The following RGS5 variants were observed in gnomAD, a reference collection of about 807,000 sequenced individuals.
RGS5 encodes the protein regulator of G-protein signalling 5.
Under a neutral mutation model 18.9 loss-of-function variants are expected in RGS5, and 20 were observed. That is an observed-to-expected ratio of 1.06 (90% CI 0.74 to 1.54). The LOEUF (loss-of-function observed/expected upper bound fraction) is 1.54. Among genes scored for constraint, RGS5 ranks in the 40% most tolerant of loss-of-function variants. RGS5 has a pLI of 0.00. For missense variants in RGS5, 201 were observed against 211.8 expected, an observed-to-expected ratio of 0.95 and a Z score of 0.32; for synonymous variants, 57 against 76.2, an observed-to-expected ratio of 0.75 and a Z score of 1.31.
At chr1:163,159,180 C>G (rs1248237653) in intron 3 of RGS5, among the ~76,000 whole-genome samples, 1 of 152,290 alleles carries the variant, frequency 6.6e-6, no homozygotes. Flanking sequence ...AACACACATG[C>G]TCTACAAACA....
chr1:163,215,876 G>GTCT (rs1290270321), intron 1 of RGS5, among the ~76,000 whole-genome samples: 2 of 151,610 alleles, frequency 1.3e-5, no homozygotes, highest in Non-Finnish European at 2.9e-5. Context: ...AACAGCCTGG[G>GTCT]AAACATAGTG....
intron 2 of RGS5, among the ~76,000 whole-genome samples, chr1:163,245,354 C>T (rs1251217294): frequency 6.6e-6 from 1 of 152,200 alleles, no homozygotes; most frequent in Non-Finnish European, 1.5e-5. Flanking sequence ...ATTATCTTTT[C>T]CCCATGACAA....
chr1:163,187,173 G>A (rs1301749121), intron 1 of RGS5, among the ~76,000 whole-genome samples: 1 of 152,286 alleles, frequency 6.6e-6, no homozygotes, highest in Non-Finnish European at 1.5e-5. Context: ...GGAGATAAAA[G>A]CTGAGCTATA....
Position 163,286,000 on chromosome 1 carries a change from A to G in RGS5, c.-281+20233T>C, listed in dbSNP as rs79722733. 4.1e-3 allele frequency among the ~76,000 whole-genome samples: 489 copies of G among 120,308 alleles called. 4 individuals carry two copies. Among genetic ancestry groups the G allele is most frequent in the African/African-American group, 0.012 (417 of 33,790 alleles). 78.9% of individuals were successfully genotyped at this position (120,308 alleles called of 152,430 possible). On this transcript the variant is annotated intron_variant, in intron 2 of 5. Coordinates refer to the RGS5 transcript ENST00000618415. ...ACTCATACAAGTATTTAATTTATGC[A>G]CACACACACACACACACATGCACAC... is the stretch of plus-strand genomic sequence containing the variant.
chr1:163,245,955 C>T (rs1275217399), intron 2 of RGS5, among the ~76,000 whole-genome samples: 5 of 152,244 alleles, frequency 3.3e-5, no homozygotes, highest in Admixed American at 6.5e-5. Flanking sequence ...GTGGCTCACG[C>T]CTGTAATCCC....
At chr1:163,314,534 C>T (rs939611489) in intron 1 of RGS5, among the ~76,000 whole-genome samples, 8 of 151,740 alleles carry the variant, frequency 5.3e-5, no homozygotes, top group African/African-American at 1.9e-4. Flanking sequence ...TGACAAAACA[C>T]CAACAAAACA....
chr1:163,224,767 G>C (rs1247779639), intron 2 of RGS5, among the ~76,000 whole-genome samples: 2 of 152,108 alleles, frequency 1.3e-5, no homozygotes, highest in African/African-American at 4.8e-5. Context: ...ATTCTGCTTT[G>C]ATTTGCATTT....
At chr1:163,171,724 A>G (rs1658309378) in intron 1 of RGS5, among the ~76,000 whole-genome samples, 1 of 152,362 alleles carries the variant, frequency 6.6e-6, no homozygotes, top group African/African-American at 2.4e-5. Flanking sequence ...AAGAATTATT[A>G]GTGACTTAAT....
intron 2 of RGS5, among the ~76,000 whole-genome samples, chr1:163,233,982 T>A (rs549022727): frequency 6.6e-6 from 1 of 152,222 alleles, no homozygotes; most frequent in African/African-American, 2.4e-5. Context: ...CATCTGGATG[T>A]ATACGTGCAG....
At chr1:163,223,960 T>C (rs962796226) in intron 2 of RGS5, among the ~76,000 whole-genome samples, 1 of 152,162 alleles carries the variant, frequency 6.6e-6, no homozygotes, top group Non-Finnish European at 1.5e-5. Flanking sequence ...CATATTTATA[T>C]GGTATAGTGT....
At position 163,313,416 on chromosome 1, in the gene RGS5, G is replaced by T. The variant is rs890277365; in HGVS notation, c.-377-7087C>A. 4.7e-4 allele frequency among the ~76,000 whole-genome samples: 71 copies of T among 152,164 alleles called. 2 individuals are homozygous for T. The highest frequency in any genetic ancestry group is 4.6e-3 in the Admixed American group (70 of 15,274). The stretch of plus-strand genomic sequence containing the variant: ...AACACAAAGGAAGAAAACTGAGAGA[G>T]AACTTTATTCTCTCTTTGGAGTGAT... On this transcript the variant is annotated intron_variant, in intron 1 of 5. Coordinates refer to the RGS5 transcript ENST00000618415.
chr1:163,171,588 T>A (rs768768290), intron 1 of RGS5, among the ~76,000 whole-genome samples: 1 of 152,206 alleles, frequency 6.6e-6, no homozygotes. Context: ...TTTTTTCTAT[T>A]TCTTGCTCCA....
At chr1:163,236,695 G>A (rs1245265853) in intron 2 of RGS5, among the ~76,000 whole-genome samples, 1 of 152,222 alleles carries the variant, frequency 6.6e-6, no homozygotes, top group East Asian at 1.9e-4. Flanking sequence ...CAGGCGCAGT[G>A]GCTCATGCCT....
chr1:163,236,169 C>A (rs946920364), intron 2 of RGS5, among the ~76,000 whole-genome samples: 1 of 152,050 alleles, frequency 6.6e-6, no homozygotes, highest in Non-Finnish European at 1.5e-5. Context: ...ATTTAAATTG[C>A]CTCTTTCGTC....
At chr1:163,308,738 A>G (rs766746890) in intron 1 of RGS5, 1 of 152,170 alleles carries the variant, frequency 6.6e-6, no homozygotes, top group Non-Finnish European at 1.5e-5. Flanking sequence ...CTCAAAACCA[A>G]TATAAAATAG....
rs762869375 is a variant in RGS5, at chr1:163,161,914, C to G, written c.217+1G>C. ...TAAAAAAACAAACAATGGAAACTTACAGTTGTTCTGCAGGAGTTTGTCCAG... is the reference window on the plus strand; with the variant it reads ...TAAAAAAACAAACAATGGAAACTTAGAGTTGTTCTGCAGGAGTTTGTCCAG... On this transcript the variant is annotated splice_donor_variant, in intron 3 of 4. Transcript: ENST00000313961. LOFTEE classifies it high-confidence loss of function. 5 of 1,612,066 alleles carry G rather than the reference C, an allele frequency of 3.1e-6. No individual in the cohort carries two copies. The highest frequency in any genetic ancestry group is 1.1e-5 in the South Asian group (1 of 91,028).
At chr1:163,187,579 G>T (rs554835223) in intron 1 of RGS5, among the ~76,000 whole-genome samples, 1 of 152,044 alleles carries the variant, frequency 6.6e-6, no homozygotes, top group Non-Finnish European at 1.5e-5. Context: ...CAGAAGAAAC[G>T]CTTCCATAAA....
At chr1:163,266,309 T>C (rs1462393214) in intron 2 of RGS5, among the ~76,000 whole-genome samples, 1 of 152,164 alleles carries the variant, frequency 6.6e-6, no homozygotes, top group African/African-American at 2.4e-5. Flanking sequence ...ACTCCCACAT[T>C]CATTCCACTA....
chr1:163,148,415 C>T (rs1381132137), intron 4 of RGS5, among the ~76,000 whole-genome samples: 2 of 152,156 alleles, frequency 1.3e-5, no homozygotes, highest in Admixed American at 6.6e-5. Context: ...ATGAAAACAG[C>T]TAACAGCAAT....
Sources: gnomAD v4.1 joint callset for allele counts (sites outside exome capture counted in the v4.1 genomes callset) on GRCh38, gnomAD v4.1.1 for gene constraint, MANE v1.5 for transcripts, NCBI Gene and HGNC (gene_info 2026-07-23, HGNC 2026-07-21) for gene names.